PTP4A1: variants seen among roughly 807,000 people sequenced by gnomAD.
PTP4A1 encodes the protein protein tyrosine phosphatase type IVA 1.
A neutral mutation model predicts 20.5 loss-of-function variants in PTP4A1; 9 were observed. That is an observed-to-expected ratio of 0.44 (90% CI 0.26 to 0.77). The LOEUF (loss-of-function observed/expected upper bound fraction) is 0.77, where lower values mean the gene tolerates loss of function less well. PTP4A1 is among the 30% of genes least tolerant of loss of function. PTP4A1 has a pLI of 0.19. For synonymous variants in PTP4A1, 78 were observed against 67.4 expected, an observed-to-expected ratio of 1.16 and a Z score of -0.77; for missense variants, 137 against 218.8, an observed-to-expected ratio of 0.63 and a Z score of 2.36.
At chr6:63,521,086 G>T (rs1774902916), upstream of PTP4A1, among the ~76,000 whole-genome samples, 1 of 152,078 alleles carries the variant, frequency 6.6e-6, no homozygotes, top group Non-Finnish European at 1.5e-5. Context: ...CCTGTCACGG[G>T]GTGGGGGAAA....
chr6:63,555,091 A>G (rs1385679995), intron 3 of PTP4A1, among the ~76,000 whole-genome samples: 1 of 152,112 alleles, frequency 6.6e-6, no homozygotes, highest in Non-Finnish European at 1.5e-5. Flanking sequence ...ATTTCTTTTC[A>G]TCTTTCCACT....
intron 2 of PTP4A1, among the ~76,000 whole-genome samples, chr6:63,534,310 G>A (rs191539800): frequency 5.3e-5 from 8 of 152,282 alleles, no homozygotes; most frequent in South Asian, 2.1e-4. Context: ...CTGATGCCAT[G>A]CAATCTCTCT....
intron 2 of PTP4A1, among the ~76,000 whole-genome samples, chr6:63,530,052 T>C (rs952582803): frequency 6.6e-5 from 10 of 152,124 alleles, no homozygotes; most frequent in Admixed American, 4.6e-4. Flanking sequence ...AGATTAACTG[T>C]TTCTCGAGAT....
chr6:63,573,290 T>A (rs1191763658), intron 1 of PTP4A1: 2 of 151,886 alleles, frequency 1.3e-5, no homozygotes, highest in Non-Finnish European at 2.9e-5. Flanking sequence ...CGCCTCCAGA[T>A]CCGGGCGGGC....
At chr6:63,560,354 A>AG (rs2149495352) in intron 3 of PTP4A1, among the ~76,000 whole-genome samples, 1 of 149,852 alleles carries the variant, frequency 6.7e-6, no homozygotes, top group East Asian at 1.9e-4. Flanking sequence ...AAAAAAAAAA[A>AG]AAAGAAAGAA....
upstream of PTP4A1, among the ~76,000 whole-genome samples, chr6:63,569,226 G>A (rs1311985339): frequency 1.3e-5 from 2 of 152,080 alleles, no homozygotes; most frequent in African/African-American, 2.4e-5. Flanking sequence ...CTTGCCTTCT[G>A]CAGTCTTTCC....
At chr6:63,529,129 A>G (rs1373950260) in intron 2 of PTP4A1, among the ~76,000 whole-genome samples, 3 of 136,228 alleles carry the variant, frequency 2.2e-5, no homozygotes, top group South Asian at 2.4e-4. Flanking sequence ...ATGTATATAT[A>G]TGTGTGTGTA....
upstream of PTP4A1, chr6:63,571,666 A>G (rs1351522322): frequency 1.3e-5 from 2 of 152,234 alleles, no homozygotes; most frequent in Admixed American, 6.5e-5. Flanking sequence ...CAACATATCA[A>G]GTGAGCAGCA....
At chr6:63,575,074 AATC>A (rs1397957282) in intron 1 of PTP4A1, among the ~76,000 whole-genome samples, 3 of 152,224 alleles carry the variant, frequency 2.0e-5, no homozygotes, top group Non-Finnish European at 4.4e-5. Context: ...TTTCTGCAGT[AATC>A]ATCATAAGAA....
chr6:63,545,098 C>A (rs1776127140), intron 2 of PTP4A1, among the ~76,000 whole-genome samples: 1 of 152,108 alleles, frequency 6.6e-6, no homozygotes, highest in Non-Finnish European at 1.5e-5. Context: ...GGAGGTTTCC[C>A]TTCTTGCTCA....
At chr6:63,548,895 A>T in intron 2 of PTP4A1, 1 of 864,748 alleles carries the variant, frequency 1.2e-6, no homozygotes, top group South Asian at 1.3e-5. Context: ...GTTAACCTGT[A>T]TGAAGGCGAC....
chr6:63,556,110 C>T (rs1295720896), intron 3 of PTP4A1, among the ~76,000 whole-genome samples: 2 of 152,140 alleles, frequency 1.3e-5, no homozygotes, highest in East Asian at 3.9e-4. Context: ...TTTTGCAAAT[C>T]TAAGAATCTA....
At chr6:63,532,511 G>A (rs1775515736) in intron 2 of PTP4A1, among the ~76,000 whole-genome samples, 1 of 151,944 alleles carries the variant, frequency 6.6e-6, no homozygotes, top group African/African-American at 2.4e-5. Context: ...CTATACCAAG[G>A]CAGCTAGCTG....
At chr6:63,554,488 C>G (rs959359387) in intron 3 of PTP4A1, among the ~76,000 whole-genome samples, 1 of 152,104 alleles carries the variant, frequency 6.6e-6, no homozygotes, top group African/African-American at 2.4e-5. Context: ...CCATAGCACA[C>G]AATAAGGAAC....
chr6:63,549,300 A>C, intron 2 of PTP4A1: 1 of 754,204 alleles, frequency 1.3e-6, no homozygotes, highest in Non-Finnish European at 2.4e-6. Context: ...CCACTTACAG[A>C]GGATGGCTCT....
intron 3 of PTP4A1, among the ~76,000 whole-genome samples, chr6:63,553,597 T>C (rs1053418574): frequency 6.6e-6 from 1 of 152,194 alleles, no homozygotes; most frequent in African/African-American, 2.4e-5. Context: ...CATATTTAGA[T>C]CTTGATGTTC....
the PTP4A1 span, among the ~76,000 whole-genome samples, chr6:63,516,739 C>T: frequency 6.6e-6 from 1 of 152,280 alleles, no homozygotes; most frequent in East Asian, 1.9e-4. Flanking sequence ...ATATATGTGG[C>T]AATGGCATGT....
chr6:63,579,541 T>C (rs900736725), intron 5 of PTP4A1, among the ~76,000 whole-genome samples: 5 of 152,252 alleles, frequency 3.3e-5, no homozygotes, highest in Non-Finnish European at 7.3e-5. Flanking sequence ...TTTTGAATTA[T>C]TGTTTTGCTT....
rs1777512590 is a variant in PTP4A1 at position 63,572,540 on chromosome 6, G to C, written c.-625G>C. 1 of 395,774 alleles carries C rather than the reference G, an allele frequency of 2.5e-6. No individual in the cohort carries two copies. 24.5% of individuals were successfully genotyped at this position (395,774 alleles called of 1,614,324 possible). A position where few individuals can be genotyped will look rare whatever the true frequency, so the allele number is the denominator to read the frequency against. ...CCGGCTCGGCTACGCGCTCTGCTCC[G>C]AGCCGCTCACTGCATGGTAGAGTCT... is the stretch of plus-strand genomic sequence containing the variant. On this transcript the variant is annotated 5_prime_UTR_variant, in exon 1 of 6. Transcript: ENST00000626021.
Sources: allele counts gnomAD v4.1 joint callset (sites outside exome capture counted in the v4.1 genomes callset), GRCh38; gene constraint gnomAD v4.1.1; transcripts MANE v1.5; gene names NCBI Gene and HGNC (gene_info 2026-07-23, HGNC 2026-07-21).